The following DCC variants were observed in gnomAD, a reference collection of about 807,000 sequenced individuals.
DCC encodes the protein netrin receptor DCC.
A neutral mutation model predicts 172.5 loss-of-function variants in DCC; 58 were observed. The observed-to-expected ratio is 0.34, with a 90% confidence interval of 0.27 to 0.42. The LOEUF is 0.42. DCC is among the 10% of genes least tolerant of loss of function. The pLI, the probability that DCC is intolerant of heterozygous loss-of-function variation, is 1.00. For synonymous variants in DCC, 709 were observed against 644.5 expected (o/e 1.10, Z -1.52); for missense variants, 1,740 against 1,791.0 (o/e 0.97, Z 0.51).
At chr18:53,352,301 A>G (rs1047428408) in intron 15 of DCC, among the ~76,000 whole-genome samples, 1 of 152,132 alleles carries the variant, frequency 6.6e-6, no homozygotes, top group African/African-American at 2.4e-5. Context: ...TTCATAGCCA[A>G]CTTGGAGGAA....
chr18:52,949,998 T>C (rs1421480722), intron 5 of DCC, among the ~76,000 whole-genome samples: 2 of 152,200 alleles, frequency 1.3e-5, no homozygotes, highest in African/African-American at 2.4e-5. Context: ...AGGACCTATG[T>C]ACACAGGCAC....
chr18:53,212,765 G>A (rs949992809), intron 11 of DCC, among the ~76,000 whole-genome samples: 3 of 151,818 alleles, frequency 2.0e-5, no homozygotes, highest in Admixed American at 2.0e-4. Flanking sequence ...CCACCTCCCA[G>A]GTTCAAGTGA....
At chr18:53,296,172 G>A (rs1042941854) in intron 12 of DCC, among the ~76,000 whole-genome samples, 2 of 152,160 alleles carry the variant, frequency 1.3e-5, no homozygotes, top group African/African-American at 4.8e-5. Flanking sequence ...CATTGCTACT[G>A]TACGTGGTCT....
intron 2 of DCC, among the ~76,000 whole-genome samples, chr18:52,899,432 C>G (rs2039778981): frequency 7.2e-6 from 1 of 138,230 alleles, no homozygotes; most frequent in Non-Finnish European, 1.5e-5. Flanking sequence ...CGGCTCACAG[C>G]AACTTCCACC....
At chr18:53,039,053 T>A (rs1315096899) in intron 5 of DCC, among the ~76,000 whole-genome samples, 4 of 152,002 alleles carry the variant, frequency 2.6e-5, no homozygotes, top group Non-Finnish European at 5.9e-5. Context: ...AGGGAGCTTT[T>A]TAACTGATTC....
intron 27 of DCC, among the ~76,000 whole-genome samples, chr18:53,521,585 G>C (rs537559209): frequency 1.3e-5 from 2 of 152,062 alleles, no homozygotes; most frequent in Non-Finnish European, 2.9e-5. Flanking sequence ...TTACTTTTAC[G>C]TTTCTCAGAA....
At chr18:53,381,682 A>C (rs1204654355) in intron 15 of DCC, among the ~76,000 whole-genome samples, 2 of 150,666 alleles carry the variant, frequency 1.3e-5, no homozygotes, top group Non-Finnish European at 1.5e-5. Context: ...GATTATATGT[A>C]TATTGGCATG....
chr18:52,404,948 T>A (rs992655813), intron 1 of DCC, among the ~76,000 whole-genome samples: 2 of 151,780 alleles, frequency 1.3e-5, no homozygotes, highest in South Asian at 4.2e-4. Context: ...TTACTGAGAA[T>A]GATGATTTCC....
chr18:52,762,891 T>A (rs2037186599), intron 2 of DCC, among the ~76,000 whole-genome samples: 1 of 152,204 alleles, frequency 6.6e-6, no homozygotes, highest in South Asian at 2.1e-4. Context: ...CACATCTGCA[T>A]ATTTCCCGTG....
At chr18:53,369,033 ACTT>A (rs908517117) in intron 15 of DCC, among the ~76,000 whole-genome samples, 5 of 151,982 alleles carry the variant, frequency 3.3e-5, no homozygotes, top group African/African-American at 1.2e-4. Context: ...GGTTGTACTG[ACTT>A]CTTAACAATG....
chr18:53,222,905 T>A (rs554655050), intron 12 of DCC, among the ~76,000 whole-genome samples: 1 of 152,260 alleles, frequency 6.6e-6, no homozygotes, highest in South Asian at 2.1e-4. Flanking sequence ...GAGAACAATG[T>A]ACTCCATAAA....
At chr18:52,918,768 G>A (rs1283113555) in intron 3 of DCC, among the ~76,000 whole-genome samples, 4 of 151,992 alleles carry the variant, frequency 2.6e-5, no homozygotes, top group African/African-American at 9.7e-5. Flanking sequence ...CAGATATCTA[G>A]TTTAATAATA....
At chr18:53,163,510 C>T (rs1290260241) in intron 8 of DCC, among the ~76,000 whole-genome samples, 5 of 152,136 alleles carry the variant, frequency 3.3e-5, no homozygotes, top group African/African-American at 9.7e-5. Context: ...CTTTCTAAAA[C>T]GTTGTGAATT....
At chr18:52,992,792 A>G (rs765958202) in intron 5 of DCC, among the ~76,000 whole-genome samples, 3 of 152,082 alleles carry the variant, frequency 2.0e-5, no homozygotes, top group Non-Finnish European at 4.4e-5. Flanking sequence ...CCTGGCCAAC[A>G]TGGCGAAATC....
intron 5 of DCC, among the ~76,000 whole-genome samples, chr18:53,001,476 C>T (rs1244249584): frequency 6.6e-6 from 1 of 152,058 alleles, no homozygotes; most frequent in East Asian, 1.9e-4. Context: ...TCTTCTGTAT[C>T]CCAGATTTTC....
intron 1 of DCC, among the ~76,000 whole-genome samples, chr18:52,492,110 G>A (rs917909072): frequency 1.3e-5 from 2 of 151,940 alleles, no homozygotes; most frequent in Non-Finnish European, 2.9e-5. Flanking sequence ...ACAAATGAGA[G>A]GGTGGTGAAA....
chr18:53,108,682 C>T (rs995286589), intron 7 of DCC, among the ~76,000 whole-genome samples: 5 of 151,644 alleles, frequency 3.3e-5, no homozygotes, highest in African/African-American at 1.2e-4. Context: ...AATGGAATCC[C>T]ACCATGTATA....
chr18:53,285,638 G>C (rs1443548054), intron 12 of DCC, among the ~76,000 whole-genome samples: 2 of 152,200 alleles, frequency 1.3e-5, no homozygotes, highest in African/African-American at 4.8e-5. Context: ...TCCCTGCTGG[G>C]GCACTGCCTA....
intron 11 of DCC, among the ~76,000 whole-genome samples, chr18:53,210,239 G>A (rs1218967133): frequency 6.6e-6 from 1 of 152,062 alleles, no homozygotes; most frequent in Non-Finnish European, 1.5e-5. Context: ...TGTTCATGCT[G>A]AGGTCATATA....
Sources: allele counts gnomAD v4.1 joint callset (sites outside exome capture counted in the v4.1 genomes callset), GRCh38; gene constraint gnomAD v4.1.1; transcripts MANE v1.5; gene names NCBI Gene and HGNC (gene_info 2026-07-23, HGNC 2026-07-21).